PTPRD: variants seen among roughly 807,000 people sequenced by gnomAD.
The protein encoded by PTPRD is protein tyrosine phosphatase receptor type D, also known as receptor-type tyrosine-protein phosphatase delta.
PTPRD carries 34 observed loss-of-function variants against 214.5 expected under a neutral mutation model. The ratio of observed to expected loss-of-function variants is 0.16; its 90% CI spans 0.12 to 0.21. The LOEUF is 0.21. Among genes scored for constraint, PTPRD ranks in the 10% least tolerant of loss-of-function variants. The pLI is 1.00. For synonymous variants in PTPRD, 1,128 were observed against 845.7 expected (o/e 1.33, Z -5.79); for missense variants, 2,545 against 2,398.7 (o/e 1.06, Z -1.27).
chr9:10,549,672 A>G (rs533171660), intron 2 of PTPRD, among the ~76,000 whole-genome samples: 43 of 152,258 alleles, frequency 2.8e-4, no homozygotes, highest in Admixed American at 1.7e-3. Flanking sequence ...TTCCTTAAGG[A>G]GATTCTAGTC....
intron 8 of PTPRD, among the ~76,000 whole-genome samples, chr9:9,458,080 G>T (rs1036201644): frequency 1.3e-5 from 2 of 151,348 alleles, no homozygotes; most frequent in African/African-American, 4.9e-5. Context: ...GATTTAGTTA[G>T]ATTTTCTTTA....
At chr9:10,253,098 T>A (rs1020743024) in intron 3 of PTPRD, among the ~76,000 whole-genome samples, 1 of 152,138 alleles carries the variant, frequency 6.6e-6, no homozygotes, top group African/African-American at 2.4e-5. Flanking sequence ...TTTTATTTTA[T>A]TTTTTCTAAA....
At chr9:8,942,198 A>AT (rs1296129462) in intron 11 of PTPRD, among the ~76,000 whole-genome samples, 5 of 152,026 alleles carry the variant, frequency 3.3e-5, no homozygotes, top group Non-Finnish European at 4.4e-5. Context: ...GCCAGCAACT[A>AT]TTTTTTTCTT....
chr9:9,953,355 C>T lies in PTPRD; in HGVS notation c.-471-14745G>A, dbSNP rs187439832. 1.8e-3 allele frequency among the ~76,000 whole-genome samples: 277 copies of T among 152,248 alleles called. 3 individuals are homozygous for T. Among genetic ancestry groups the T allele is most frequent in the Non-Finnish European group, 1.2e-3 (84 of 68,028 alleles). On this transcript the variant is annotated intron_variant, in intron 4 of 45. Coordinates refer to ENST00000381196, the MANE Select transcript of PTPRD (RefSeq NM_002839.4). Reference sequence around the variant, plus strand: ...GGATAAAAAGACTACATACTGGGTACAGTGTACACCATTCAGTAACAGGTG... The same window carrying T: ...GGATAAAAAGACTACATACTGGGTATAGTGTACACCATTCAGTAACAGGTG...
chr9:8,646,933 T>C (rs1466543719), intron 12 of PTPRD, among the ~76,000 whole-genome samples: 2 of 150,094 alleles, frequency 1.3e-5, no homozygotes, highest in Admixed American at 6.6e-5. Context: ...AATAATATCG[T>C]AAATGTGATC....
intron 7 of PTPRD, among the ~76,000 whole-genome samples, chr9:9,697,528 T>G (rs1468132768): frequency 1.3e-5 from 2 of 152,122 alleles, no homozygotes; most frequent in African/African-American, 4.8e-5. Flanking sequence ...GGCCTATATA[T>G]TTTCTAATAA....
At chr9:9,921,517 G>T (rs2082530268) in intron 5 of PTPRD, among the ~76,000 whole-genome samples, 1 of 151,736 alleles carries the variant, frequency 6.6e-6, no homozygotes, top group African/African-American at 2.4e-5. Context: ...GATTAAGAAA[G>T]TCCTGATTCT....
rs774024691 is a variant in PTPRD, at chr9:8,319,856, T to A, written c.5645A>T (p.Gln1882Leu). 25 of 1,612,786 alleles carry A rather than the reference T, an allele frequency of 1.6e-5. No homozygotes were observed. The highest frequency in any genetic ancestry group is 2.1e-5 in the Non-Finnish European group (25 of 1,179,272). ...IFQTVKMLRT[Q>L]RPAMVQTEDQ... ...CTCTGTCTGTACCATAGCTGGTCGTTGTGTTCTTAACATTTTGACAGTCTG... is the reference window on the plus strand; with the variant it reads ...CTCTGTCTGTACCATAGCTGGTCGTAGTGTTCTTAACATTTTGACAGTCTG... The change falls in exon 45 of 46, where the codon CAA (glutamine) becomes CTA (leucine). Residue 1882 changes from glutamine to leucine, a missense_variant. Transcript: ENST00000381196.
At chr9:10,562,831 G>C (rs943736051) in intron 2 of PTPRD, among the ~76,000 whole-genome samples, 4 of 152,074 alleles carry the variant, frequency 2.6e-5, no homozygotes, top group East Asian at 1.9e-4. Flanking sequence ...TGGAGACTTA[G>C]AGTCAAGATT....
intron 4 of PTPRD, among the ~76,000 whole-genome samples, chr9:9,938,844 AG>A (rs2090471677): frequency 6.6e-6 from 1 of 152,094 alleles, no homozygotes; most frequent in Non-Finnish European, 1.5e-5. Context: ...TCCTTATAAA[AG>A]GTTATTTATT....
chr9:9,262,843 T>C (rs1445243977), intron 9 of PTPRD, among the ~76,000 whole-genome samples: 2 of 151,688 alleles, frequency 1.3e-5, no homozygotes, highest in African/African-American at 2.4e-5. Flanking sequence ...TGAAATGAAA[T>C]CTAACCATTG....
Position 10,056,766 on chromosome 9 carries a change from T to G in PTPRD, c.-544-22976A>C, listed in dbSNP as rs76542932. Among the ~76,000 whole-genome samples the G allele has an allele frequency of 1.5e-3, 228 of 152,250 alleles. 5 individuals are homozygous for G. In the East Asian group the frequency reaches 0.034, roughly 23 times the overall value. On this transcript the variant is annotated intron_variant, in intron 3 of 45. Transcript: ENST00000381196. ...AATTTAATGAGCCACATTCTCCCTA[T>G]GTATGGGTTATATCATGGGAATAAA...
chr9:8,858,114 TC>T, intron 11 of PTPRD: 1 of 163,138 alleles, frequency 6.1e-6, no homozygotes, highest in South Asian at 1.5e-4. Context: ...CTCCTCCTCT[TC>T]CTCCTCCTCC....
chr9:8,713,216 T>C lies in PTPRD; in HGVS notation c.64+20564A>G, dbSNP rs1185633170. ...GTCAAACATTTGATCTGAAATTTGGTATCCAGTTCGCTCCTAAACTGAGTC... is the reference window on the plus strand; with the variant it reads ...GTCAAACATTTGATCTGAAATTTGGCATCCAGTTCGCTCCTAAACTGAGTC... On this transcript the variant is annotated intron_variant, in intron 12 of 45. Coordinates refer to ENST00000381196, the MANE Select transcript of PTPRD (RefSeq NM_002839.4). 5.2e-6 allele frequency: 3 copies of C among 581,566 alleles called. No homozygotes were observed. In the African/African-American group the frequency reaches 5.6e-5, roughly 11 times the overall value. The allele number at this position is 581,566 out of a possible 1,614,324, so 36.0% of individuals were successfully genotyped here.
At chr9:8,323,080 T>C (rs1017126713) in intron 44 of PTPRD, among the ~76,000 whole-genome samples, 1 of 152,152 alleles carries the variant, frequency 6.6e-6, no homozygotes, top group African/African-American at 2.4e-5. Context: ...TTGTACCAAA[T>C]AGCCCAGTTC....
chr9:9,616,002 G>C (rs377697109), intron 7 of PTPRD, among the ~76,000 whole-genome samples: 1 of 151,992 alleles, frequency 6.6e-6, no homozygotes, highest in East Asian at 1.9e-4. Flanking sequence ...TATTTTTAAA[G>C]GTTTATTATC....
At chr9:8,386,505 T>C (rs2087119594) in intron 37 of PTPRD, among the ~76,000 whole-genome samples, 1 of 152,222 alleles carries the variant, frequency 6.6e-6, no homozygotes, top group South Asian at 2.1e-4. Flanking sequence ...ATTTCAAGCT[T>C]CAGCTCTTGG....
intron 9 of PTPRD, among the ~76,000 whole-genome samples, chr9:9,237,031 T>G (rs1017767676): frequency 6.6e-5 from 10 of 152,170 alleles, no homozygotes; most frequent in Admixed American, 2.6e-4. Flanking sequence ...TTCTTATTTG[T>G]TTGACTTTCT....
intron 2 of PTPRD, among the ~76,000 whole-genome samples, chr9:10,379,296 CAT>C (rs1255626595): frequency 4.0e-5 from 6 of 151,132 alleles, no homozygotes; most frequent in Non-Finnish European, 7.4e-5. Context: ...AATATAAGAT[CAT>C]ATCATCTACA....
Sources: gnomAD v4.1 joint callset for allele counts (sites outside exome capture counted in the v4.1 genomes callset) on GRCh38, gnomAD v4.1.1 for gene constraint, MANE v1.5 for transcripts, NCBI Gene and HGNC (gene_info 2026-07-23, HGNC 2026-07-21) for gene names.